ADGRE3: variants seen among roughly 807,000 people sequenced by gnomAD.
ADGRE3 encodes EGF-like module receptor 3.
ADGRE3 carries 88 observed loss-of-function variants against 80.1 expected under a neutral mutation model. That is an observed-to-expected ratio of 1.10 (90% CI 0.93 to 1.31). The LOEUF (loss-of-function observed/expected upper bound fraction) is 1.31, where lower values mean the gene tolerates loss of function less well. Among genes scored for constraint, ADGRE3 ranks in the 40% most tolerant of loss-of-function variants. The pLI, the probability that ADGRE3 is intolerant of heterozygous loss-of-function variation, is 0.00. For missense variants in ADGRE3, 715 were observed against 776.5 expected (o/e 0.92, Z 0.94); for synonymous variants, 281 against 294.8 (o/e 0.95, Z 0.48).
chr19:14,663,419 G>T lies in ADGRE3; in HGVS notation c.198C>A (p.Asn66Lys). ...KLFTFPLETCNDINECTPPYS... is the reference protein window; with the variant it reads ...KLFTFPLETCKDINECTPPYS... ...TAAAAAATAATAATACTTCTTTACC[G>T]TTACATGTCTCCAAGGGGAATGTGA... is the stretch of plus-strand genomic sequence containing the variant. The change falls in exon 3 of 16, where the codon AAC (asparagine) becomes AAA (lysine). Residue 66 changes from asparagine to lysine, a missense_variant and splice_region_variant. By Grantham distance (94) the Asn-to-Lys change is moderately conservative (BLOSUM62 0). Coordinates refer to ENST00000253673, the MANE Select transcript of ADGRE3 (RefSeq NM_032571.5). 1 of 1,576,396 alleles carries T rather than the reference G, an allele frequency of 6.3e-7. No individual in the cohort carries two copies. Among genetic ancestry groups the T allele is most frequent in the Non-Finnish European group, 8.7e-7 (1 of 1,154,376 alleles).
chr19:14,637,140 G>C lies in ADGRE3; in HGVS notation c.1484+965C>G, dbSNP rs1372824820. Among the ~76,000 whole-genome samples, 4 of 152,036 alleles carry C rather than the reference G, an allele frequency of 2.6e-5. No homozygotes were observed. In the East Asian group the frequency reaches 7.7e-4, roughly 29 times the overall value. On this transcript the variant is annotated intron_variant, in intron 11 of 15. Transcript: ENST00000253673. ...CAAAAAAAATTAAGTTTCCCCTTGA[G>C]ATATTCTTTCAGGTCCTGTGTACCA...
At chr19:14,665,936 G>GTATATATATGTATATATATA (rs71166783) in intron 2 of ADGRE3, among the ~76,000 whole-genome samples, 2 of 42,098 alleles carry the variant, frequency 4.8e-5, no homozygotes, top group African/African-American at 2.3e-4. Flanking sequence ...ACACATATGT[G>GTATATATATGTATATATATA]TATATATATA....
At chr19:14,615,199 C>CTTTTTT (rs1227946914), downstream of ADGRE3, among the ~76,000 whole-genome samples, 8 of 91,024 alleles carry the variant, frequency 8.8e-5, 1 homozygote, top group Non-Finnish European at 9.5e-5. Context: ...CTACAGCTGC[C>CTTTTTT]TTCTTTTTTT....
chr19:14,625,423 C>A, intron 15 of ADGRE3, 69 bp downstream of exon 15: 6 of 1,033,892 alleles, frequency 5.8e-6, no homozygotes, highest in Non-Finnish European at 8.9e-6. Flanking sequence ...AAATCCCAAA[C>A]TAGAGGAAGT....
chr19:14,658,344 T>G, intron 5 of ADGRE3, 169 bp downstream of exon 5: 1 of 288,648 alleles, frequency 3.5e-6, no homozygotes, highest in Non-Finnish European at 6.3e-6. Flanking sequence ...TAATAATATA[T>G]TATGTATTTA....
At chr19:14,674,623 A>C in intron 1 of ADGRE3, 123 bp downstream of exon 1, 1 of 965,766 alleles carries the variant, frequency 1.0e-6, no homozygotes. Context: ...CCACACTCCA[A>C]AGGGAAAAGG....
At chr19:14,607,615 G>A in the ADGRE3 span, among the ~76,000 whole-genome samples, 1 of 150,454 alleles carries the variant, frequency 6.6e-6, no homozygotes, top group African/African-American at 2.5e-5. Flanking sequence ...TCTCGCTGTC[G>A]CTCAGGCTGG....
chr19:14,620,575 T>A (rs1280855800), intron 15 of ADGRE3, among the ~76,000 whole-genome samples: 1,223 of 16,944 alleles, frequency 0.072, 210 homozygotes, highest in Non-Finnish European at 0.11. Flanking sequence ...TATATTTTTT[T>A]TTTTTTTTTT....
At chr19:14,626,038 T>A (rs1471029544) in intron 14 of ADGRE3, among the ~76,000 whole-genome samples, 2 of 152,174 alleles carry the variant, frequency 1.3e-5, no homozygotes, top group Non-Finnish European at 2.9e-5. Flanking sequence ...ACATTGCGAA[T>A]GTGATGCTAC....
chr19:14,602,014 G>A, the ADGRE3 span, among the ~76,000 whole-genome samples: 6 of 151,842 alleles, frequency 4.0e-5, no homozygotes, highest in Admixed American at 1.3e-4. Context: ...GGATGGTCTC[G>A]ATCTCCTGAC....
chr19:14,645,833 G>T (rs1042032333), intron 8 of ADGRE3, among the ~76,000 whole-genome samples: 9 of 152,094 alleles, frequency 5.9e-5, no homozygotes, highest in African/African-American at 1.7e-4. Flanking sequence ...TTAGTTGGGC[G>T]TGGTGGCACA....
At chr19:14,629,908 T>C (rs1017811123) in intron 14 of ADGRE3, 131 bp downstream of exon 14, 6 of 534,138 alleles carry the variant, frequency 1.1e-5, no homozygotes, top group Non-Finnish European at 1.9e-5. Flanking sequence ...GTAGAGAAAA[T>C]AGAGAGAGTG....
At chr19:14,648,366 A>C (rs773718693) in intron 7 of ADGRE3, among the ~76,000 whole-genome samples, 2 of 152,120 alleles carry the variant, frequency 1.3e-5, no homozygotes, top group Non-Finnish European at 2.9e-5. Flanking sequence ...AGAGCTTGAA[A>C]GTTCAGCCCC....
At chr19:14,601,461 G>A in the ADGRE3 span, among the ~76,000 whole-genome samples, 1 of 152,270 alleles carries the variant, frequency 6.6e-6, no homozygotes, top group East Asian at 1.9e-4. Context: ...TACACAATAT[G>A]TATCATCTGT....
chr19:14,614,710 G>A (rs2075065576), downstream of ADGRE3, among the ~76,000 whole-genome samples: 1 of 151,496 alleles, frequency 6.6e-6, no homozygotes, highest in Admixed American at 6.6e-5. Flanking sequence ...CCAAGTAGTT[G>A]GGATTACAGG....
intron 13 of ADGRE3, among the ~76,000 whole-genome samples, chr19:14,631,936 A>G (rs10425599): frequency 0.25 from 18,551 of 73,980 alleles, 1,248 homozygotes; most frequent in African/African-American, 0.31. Flanking sequence ...AAAAGACTAT[A>G]AAAAAATGTA....
intron 11 of ADGRE3, among the ~76,000 whole-genome samples, chr19:14,634,297 G>A (rs1970972588): frequency 6.6e-6 from 1 of 152,076 alleles, no homozygotes; most frequent in Admixed American, 6.6e-5. Context: ...ATAGCTCAAG[G>A]TATTTTGAAG....
intron 3 of ADGRE3, 132 bp from the exon 4 acceptor site, chr19:14,662,250 TTA>T (rs981245778): frequency 3.3e-5 from 27 of 820,332 alleles, no homozygotes; most frequent in Non-Finnish European, 5.0e-5. Flanking sequence ...TAGGTAATGG[TTA>T]TCTTGGTTTT....
chr19:14,601,173 G>C, the ADGRE3 span, among the ~76,000 whole-genome samples: 4 of 152,042 alleles, frequency 2.6e-5, no homozygotes, highest in East Asian at 7.7e-4. Flanking sequence ...AAAGTGCGGG[G>C]ATTATAGGTG....
Sources: allele counts gnomAD v4.1 joint callset (sites outside exome capture counted in the v4.1 genomes callset), GRCh38; gene constraint gnomAD v4.1.1; transcripts MANE v1.5; gene names NCBI Gene and HGNC (gene_info 2026-07-23, HGNC 2026-07-21).